SNTB1: variants seen among roughly 807,000 people sequenced by gnomAD.
SNTB1 encodes syntrophin beta 1, also known as beta-1-syntrophin.
In SNTB1, 36 loss-of-function variants were observed where a neutral mutation model predicts 48.9. The ratio of observed to expected loss-of-function variants is 0.74; its 90% CI spans 0.56 to 0.97. The LOEUF (loss-of-function observed/expected upper bound fraction) is 0.97. Among genes scored for constraint, SNTB1 ranks in the 50% least tolerant of loss-of-function variants. The pLI, the probability that SNTB1 is intolerant of heterozygous loss-of-function variation, is 0.00. For synonymous variants in SNTB1, 299 were observed against 294.6 expected, an observed-to-expected ratio of 1.01 and a Z score of -0.15; for missense variants, 786 against 703.4, an observed-to-expected ratio of 1.12 and a Z score of -1.33.
chr8:120,811,448 C>G lies in SNTB1; in HGVS notation c.396G>C (p.Glu132Asp). The change falls in exon 1 of 7, where the codon GAG becomes GAC. Residue 132 changes from glutamate (E) to aspartate (D), a missense_variant. Physicochemically the swap from Glu to Asp is conservative, Grantham distance 45 (BLOSUM62 2). Coordinates refer to ENST00000517992, the MANE Select transcript of SNTB1 (RefSeq NM_021021.4). ...TGCTGATGAGGATGGGCATCTTGTT[C>G]TCCTTGCCCCCCTTGATGCTGATCC... ...GLGISIKGGK[E>D]NKMPILISKI... The G allele has an allele frequency of 6.2e-7, 1 of 1,614,054 alleles. No homozygotes were observed. Among genetic ancestry groups the G allele is most frequent in the Non-Finnish European group, 8.5e-7 (1 of 1,179,930 alleles).
chr8:120,625,724 A>G lies in SNTB1; in HGVS notation c.996+6720T>C. Among the ~76,000 whole-genome samples, 2 of 152,230 alleles carry G rather than the reference A, an allele frequency of 1.3e-5. 1 individual carries two copies. Among genetic ancestry groups the G allele is most frequent in the East Asian group, 3.8e-4 (2 of 5,198 alleles). On this transcript the variant is annotated intron_variant, in intron 3 of 6. Coordinates refer to ENST00000517992, the MANE Select transcript of SNTB1 (RefSeq NM_021021.4). ...GAACTTGATGACTCTCTTTTAAAGCAACACAATAGGACTATTAGCACTTAA... is the reference window on the plus strand; with the variant it reads ...GAACTTGATGACTCTCTTTTAAAGCGACACAATAGGACTATTAGCACTTAA...
At chr8:120,551,023 C>A (rs556175201) in intron 4 of SNTB1, among the ~76,000 whole-genome samples, 1 of 151,998 alleles carries the variant, frequency 6.6e-6, no homozygotes, top group African/African-American at 2.4e-5. Context: ...TTTGGGAGGC[C>A]GAGGTGGATG....
intron 4 of SNTB1, among the ~76,000 whole-genome samples, chr8:120,569,599 T>C (rs2130678734): frequency 6.6e-6 from 1 of 152,316 alleles, no homozygotes; most frequent in African/African-American, 2.4e-5. Context: ...GCCTCAGCTG[T>C]CCATGGACTG....
rs535720230 is a variant in SNTB1 at position 120,596,960 on chromosome 8, CA to C, written c.997-21736del. 1.5e-3 allele frequency among the ~76,000 whole-genome samples: 225 copies of C among 152,308 alleles called. 2 individuals carry two copies. The highest frequency in any genetic ancestry group is 5.2e-3 in the African/African-American group (217 of 41,560). On this transcript the variant is annotated intron_variant, in intron 3 of 6. Coordinates refer to ENST00000517992, the MANE Select transcript of SNTB1 (RefSeq NM_021021.4). ...GGTAGGCTGAACAGTGGTCCCCCCA[CA>C]AATGATGTTCATGTCCCAATACCTG...
chr8:120,709,077 TGGAA>T (rs940174963), intron 1 of SNTB1, among the ~76,000 whole-genome samples: 2 of 145,258 alleles, frequency 1.4e-5, no homozygotes, highest in African/African-American at 5.1e-5. Flanking sequence ...AGTGAAAAAA[TGGAA>T]GGAAGGGAGG....
In SNTB1 at chr8:120,587,221, A is replaced by AAAAACAAAACAAAAC. The variant is rs35819460; in HGVS notation, c.997-12011_997-11997dup. 1.3e-3 allele frequency among the ~76,000 whole-genome samples: 203 copies of AAAAACAAAACAAAAC among 150,988 alleles called. No homozygotes were observed. In the Middle Eastern group the frequency reaches 0.014, roughly 10 times the overall value. On this transcript the variant is annotated intron_variant, in intron 3 of 6. Transcript: ENST00000517992. ...GGGCAACGGAGCGAGACTCTGTCTC[A>AAAAACAAAACAAAAC]AAAACAAAACAAAACAAAACAGACA...
At chr8:120,708,750 TAA>T (rs1818416795) in intron 1 of SNTB1, among the ~76,000 whole-genome samples, 1 of 152,172 alleles carries the variant, frequency 6.6e-6, no homozygotes, top group Admixed American at 6.5e-5. Context: ...TTATATTTTA[TAA>T]ACTTTAATAG....
Position 120,811,543 on chromosome 8 carries a change from G to GCTCGAGCAGGA in SNTB1, c.300_301insTCCTGCTCGAG (p.Gln101SerfsTer17). On this transcript the variant is annotated frameshift_variant, in exon 1 of 7. Coordinates refer to ENST00000517992, the MANE Select transcript of SNTB1 (RefSeq NM_021021.4). LOFTEE classifies it high-confidence loss of function. Reference sequence around the variant, plus strand: ...TGGTTCGAGATGGACTCGGGCACCTGCTCGGGCAGGTCGGTGAAAGCGGTG... The same window carrying GCTCGAGCAGGA: ...TGGTTCGAGATGGACTCGGGCACCTGCTCGAGCAGGACTCGGGCAGGTCGGTGAAAGCGGTG... The GCTCGAGCAGGA allele has an allele frequency of 6.2e-7, 1 of 1,604,942 alleles. No individual in the cohort carries two copies. The highest frequency in any genetic ancestry group is 8.5e-7 in the Non-Finnish European group (1 of 1,175,776).
At chr8:120,624,515 AG>A (rs1335131154) in intron 3 of SNTB1, among the ~76,000 whole-genome samples, 1 of 152,224 alleles carries the variant, frequency 6.6e-6, no homozygotes, top group Non-Finnish European at 1.5e-5. Flanking sequence ...CATCTCTTAA[AG>A]GTCCCATCAA....
Position 120,603,678 on chromosome 8 carries a change from C to T in SNTB1, c.997-28453G>A, listed in dbSNP as rs576739456. On this transcript the variant is annotated intron_variant, in intron 3 of 6. Transcript: ENST00000517992. ...TGAAACAACACTGATCTGTAGGACA[C>T]GACACTGTGCCCATATGCTTTCAGG... is the stretch of plus-strand genomic sequence containing the variant. 2.5e-3 allele frequency among the ~76,000 whole-genome samples: 377 copies of T among 152,272 alleles called. 4 individuals are homozygous for T. The highest frequency in any genetic ancestry group is 5.4e-3 in the South Asian group (26 of 4,822).
intron 1 of SNTB1, among the ~76,000 whole-genome samples, chr8:120,718,150 T>C (rs924753128): frequency 6.6e-6 from 1 of 152,238 alleles, no homozygotes; most frequent in Non-Finnish European, 1.5e-5. Flanking sequence ...TGATGGCTAA[T>C]ACTGAGTGTT....
intron 3 of SNTB1, among the ~76,000 whole-genome samples, chr8:120,590,994 G>C (rs980526516): frequency 1.3e-5 from 2 of 152,074 alleles, no homozygotes; most frequent in African/African-American, 4.8e-5. Flanking sequence ...CTCATTATAG[G>C]CTTCAACCTA....
At chr8:120,730,822 C>T (rs960531009) in intron 1 of SNTB1, among the ~76,000 whole-genome samples, 3 of 151,988 alleles carry the variant, frequency 2.0e-5, no homozygotes, top group African/African-American at 4.8e-5. Flanking sequence ...CATGGGTTTG[C>T]TTAATAAATA....
At chr8:120,810,761 C>T (rs1227102194) in intron 1 of SNTB1, among the ~76,000 whole-genome samples, 3 of 152,248 alleles carry the variant, frequency 2.0e-5, no homozygotes, top group Middle Eastern at 3.4e-3. Flanking sequence ...TCTCTCTCAC[C>T]CCTTTATGAG....
intron 1 of SNTB1, among the ~76,000 whole-genome samples, chr8:120,724,863 G>C (rs1356123365): frequency 1.3e-5 from 2 of 152,210 alleles, no homozygotes; most frequent in Non-Finnish European, 2.9e-5. Flanking sequence ...ACAAGGCAGA[G>C]TGTGAACAGG....
intron 2 of SNTB1, among the ~76,000 whole-genome samples, chr8:120,657,321 A>T (rs543424543): frequency 6.4e-4 from 98 of 152,208 alleles, no homozygotes; most frequent in African/African-American, 2.3e-3. Flanking sequence ...CAAGTTACCA[A>T]GTTTTCTCAG....
chr8:120,550,776 CAGAA>C (rs1563814901), intron 4 of SNTB1, among the ~76,000 whole-genome samples: 1 of 152,106 alleles, frequency 6.6e-6, no homozygotes, highest in Non-Finnish European at 1.5e-5. Flanking sequence ...CTAAAGAAAA[CAGAA>C]AGCATTTCTC....
At chr8:120,804,480 C>T (rs571251295) in intron 1 of SNTB1, among the ~76,000 whole-genome samples, 1 of 152,208 alleles carries the variant, frequency 6.6e-6, no homozygotes, top group African/African-American at 2.4e-5. Context: ...TTTGTCCACC[C>T]ACAGTGTCTT....
chr8:120,675,960 A>G (rs983545372), intron 2 of SNTB1, among the ~76,000 whole-genome samples: 1 of 152,236 alleles, frequency 6.6e-6, no homozygotes, highest in African/African-American at 2.4e-5. Flanking sequence ...GCTGTACTAC[A>G]GAGGATAGAA....
Sources: allele counts gnomAD v4.1 joint callset (sites outside exome capture counted in the v4.1 genomes callset), GRCh38; gene constraint gnomAD v4.1.1; transcripts MANE v1.5; gene names NCBI Gene and HGNC (gene_info 2026-07-23, HGNC 2026-07-21).